Variants in SOX5 observed in about 807,000 individuals in gnomAD.
SOX5 encodes transcription factor SOX-5.
In SOX5, 9 loss-of-function variants were observed where a neutral mutation model predicts 92.0. The ratio of observed to expected loss-of-function variants is 0.10; its 90% CI spans 0.06 to 0.17. The LOEUF (loss-of-function observed/expected upper bound fraction) is 0.17, where lower values mean the gene tolerates loss of function less well. Among genes scored for constraint, SOX5 ranks in the 10% least tolerant of loss-of-function variants. SOX5 has a pLI of 1.00. For missense variants in SOX5, 642 were observed against 944.5 expected, an observed-to-expected ratio of 0.68 and a Z score of 4.20; for synonymous variants, 344 against 336.3, an observed-to-expected ratio of 1.02 and a Z score of -0.25.
chr12:23,545,302 C>T (rs11612157), intron 12 of SOX5, among the ~76,000 whole-genome samples: 14,898 of 152,114 alleles, frequency 0.098, 887 homozygotes, highest in East Asian at 0.23. Context: ...AAGTTGAGGG[C>T]GGTACTGCCA....
chr12:23,547,617 C>T (rs752293426), intron 11 of SOX5, among the ~76,000 whole-genome samples: 36 of 151,958 alleles, frequency 2.4e-4, no homozygotes, highest in Non-Finnish European at 3.1e-4. Context: ...ACTGTACATA[C>T]TAAATTAAAA....
intron 2 of SOX5, among the ~76,000 whole-genome samples, chr12:24,327,317 T>G (rs1409636312): frequency 6.8e-6 from 1 of 148,020 alleles, no homozygotes; most frequent in Non-Finnish European, 1.5e-5. Context: ...ATCAAAGATA[T>G]GCTGAAAATG....
intron 4 of SOX5, among the ~76,000 whole-genome samples, chr12:24,013,352 G>C (rs552742238): frequency 6.6e-6 from 1 of 152,136 alleles, no homozygotes; most frequent in Non-Finnish European, 1.5e-5. Context: ...AAGAGGTATT[G>C]AGAACATGTC....
chr12:24,240,202 A>G (rs1384070319), intron 3 of SOX5, among the ~76,000 whole-genome samples: 1 of 152,194 alleles, frequency 6.6e-6, no homozygotes, highest in Non-Finnish European at 1.5e-5. Flanking sequence ...TATGCTCAAA[A>G]TTAAAACCCT....
intron 8 of SOX5, among the ~76,000 whole-genome samples, chr12:23,604,864 T>G: frequency 6.6e-6 from 1 of 152,216 alleles, no homozygotes; most frequent in South Asian, 2.1e-4. Context: ...TACTTTAAAT[T>G]TACACAGTGT....
chr12:23,896,384 T>C (rs945898168), intron 1 of SOX5, among the ~76,000 whole-genome samples: 1 of 152,202 alleles, frequency 6.6e-6, no homozygotes, highest in Non-Finnish European at 1.5e-5. Context: ...AGACAGAACA[T>C]CTGTGAATAG....
chr12:24,300,877 G>A (rs961916516), intron 2 of SOX5, among the ~76,000 whole-genome samples: 53 of 152,194 alleles, frequency 3.5e-4, no homozygotes, highest in African/African-American at 1.2e-3. Flanking sequence ...TGTTGAATAT[G>A]TGTGCCTTAA....
chr12:24,177,159 C>T (rs918879516), intron 4 of SOX5, among the ~76,000 whole-genome samples: 2 of 152,072 alleles, frequency 1.3e-5, no homozygotes, highest in African/African-American at 4.8e-5. Context: ...AACATTATCT[C>T]ACTCATTCTT....
intron 3 of SOX5, among the ~76,000 whole-genome samples, chr12:23,767,822 CATAT>C (rs5797038): frequency 0.96 from 144,912 of 150,416 alleles, 69,964 homozygotes; most frequent in Non-Finnish European, 0.99. Context: ...TATCTTCACT[CATAT>C]ATATATATAT....
intron 4 of SOX5, among the ~76,000 whole-genome samples, chr12:24,050,856 A>G (rs1434992145): frequency 1.3e-5 from 2 of 152,086 alleles, no homozygotes; most frequent in Admixed American, 6.6e-5. Flanking sequence ...TATTATTATT[A>G]TTATTTGGAG....
chr12:24,525,609 C>T (rs534831367), intron 1 of SOX5, among the ~76,000 whole-genome samples: 9 of 152,086 alleles, frequency 5.9e-5, no homozygotes, highest in African/African-American at 1.9e-4. Context: ...TGGTGGCTCA[C>T]GCCTGTAATC....
intron 4 of SOX5, among the ~76,000 whole-genome samples, chr12:23,746,155 A>G (rs933048011): frequency 2.0e-5 from 3 of 152,124 alleles, no homozygotes; most frequent in Non-Finnish European, 4.4e-5. Flanking sequence ...CTAAATTATC[A>G]CATTCTTCAT....
intron 1 of SOX5, among the ~76,000 whole-genome samples, chr12:23,903,353 G>A (rs1723226084): frequency 6.6e-6 from 1 of 152,282 alleles, no homozygotes; most frequent in East Asian, 1.9e-4. Context: ...AGGAGACCAA[G>A]GCAGGAAGAT....
chr12:23,681,735 T>G (rs1235759494), intron 6 of SOX5, among the ~76,000 whole-genome samples: 1 of 151,752 alleles, frequency 6.6e-6, no homozygotes, highest in Non-Finnish European at 1.5e-5. Flanking sequence ...TAATATAAAG[T>G]TATTACTGCT....
chr12:23,910,776 CT>C (rs2097342874), intron 1 of SOX5, among the ~76,000 whole-genome samples: 2 of 152,034 alleles, frequency 1.3e-5, no homozygotes, highest in Non-Finnish European at 2.9e-5. Context: ...AGGGATTATC[CT>C]TTTTTAGATG....
rs549836626 is a variant in SOX5, at chr12:23,730,566, G to A, written c.810+4118C>T. ...TTAATGAATTAGGTGGGTCAACCTGGCAGAAGACTGTAACCCTACAAAGTC... is the reference window on the plus strand; with the variant it reads ...TTAATGAATTAGGTGGGTCAACCTGACAGAAGACTGTAACCCTACAAAGTC... On this transcript the variant is annotated intron_variant, in intron 6 of 14. Coordinates refer to ENST00000451604, the MANE Select transcript of SOX5 (RefSeq NM_006940.6). Among the ~76,000 whole-genome samples, 10 of 152,288 alleles carry A rather than the reference G, an allele frequency of 6.6e-5. No individual in the cohort carries two copies. In the East Asian group the frequency reaches 1.9e-3, roughly 29 times the overall value.
chr12:24,162,972 A>T (rs1054344756), intron 4 of SOX5, among the ~76,000 whole-genome samples: 3 of 152,042 alleles, frequency 2.0e-5, no homozygotes, highest in Non-Finnish European at 4.4e-5. Flanking sequence ...TTTCCAATGT[A>T]GGTAAATGAG....
chr12:23,954,633 C>T (rs1267358817), upstream of SOX5, among the ~76,000 whole-genome samples: 1 of 152,130 alleles, frequency 6.6e-6, no homozygotes. Context: ...TATAGCCTAT[C>T]TTCTTTTTTA....
chr12:23,654,499 C>A (rs1467389940), intron 7 of SOX5, among the ~76,000 whole-genome samples: 1 of 152,056 alleles, frequency 6.6e-6, no homozygotes, highest in Non-Finnish European at 1.5e-5. Context: ...CAAAATCATT[C>A]TTCACTGTGA....
Sources: gnomAD v4.1 joint callset for allele counts (sites outside exome capture counted in the v4.1 genomes callset) on GRCh38, gnomAD v4.1.1 for gene constraint, MANE v1.5 for transcripts, NCBI Gene and HGNC (gene_info 2026-07-23, HGNC 2026-07-21) for gene names.